IMPG2: variants seen among roughly 807,000 people sequenced by gnomAD.
IMPG2 encodes interphotoreceptor matrix proteoglycan 2.
In IMPG2, 91 loss-of-function variants were observed where a neutral mutation model predicts 129.2. That is an observed-to-expected ratio of 0.70 (90% CI 0.59 to 0.84). The LOEUF (loss-of-function observed/expected upper bound fraction) is 0.84. IMPG2 is among the 40% of genes least tolerant of loss of function. IMPG2 has a pLI of 0.00. For missense variants in IMPG2, 1,430 were observed against 1,461.7 expected (o/e 0.98, Z 0.35); for synonymous variants, 510 against 517.7 (o/e 0.99, Z 0.20).
intron 2 of IMPG2, among the ~76,000 whole-genome samples, chr3:101,316,823 T>A (rs2058788092): frequency 6.6e-6 from 1 of 152,082 alleles, no homozygotes; most frequent in African/African-American, 2.4e-5. Flanking sequence ...CAGTAATAAC[T>A]AAAAACAACC....
intron 14 of IMPG2, 148 bp from the exon 15 acceptor site, chr3:101,233,139 C>T (rs1706308751): frequency 1.4e-6 from 1 of 736,944 alleles, no homozygotes; most frequent in Non-Finnish European, 2.3e-6. Flanking sequence ...CAATACCACA[C>T]ACAAAAACTC....
At chr3:101,257,504 A>T (rs760039163) in intron 10 of IMPG2, 25 bp downstream of exon 10, 2 of 1,612,458 alleles carry the variant, frequency 1.2e-6, no homozygotes, top group Non-Finnish European at 1.7e-6. Context: ...CTATACAAGG[A>T]CTTCATGATG....
chr3:101,275,448 G>A (rs1255680964), intron 6 of IMPG2, among the ~76,000 whole-genome samples: 1 of 152,076 alleles, frequency 6.6e-6, no homozygotes, highest in Non-Finnish European at 1.5e-5. Flanking sequence ...TTTATAATTC[G>A]AAGCTCTCAC....
chr3:101,301,431 A>G (rs1707138528), intron 3 of IMPG2, among the ~76,000 whole-genome samples: 2 of 152,320 alleles, frequency 1.3e-5, no homozygotes, highest in South Asian at 4.2e-4. Context: ...GCAGCACAAT[A>G]AAATAAAGTA....
intron 1 of IMPG2, 31 bp downstream of exon 1, chr3:101,320,257 A>G: frequency 4.0e-6 from 5 of 1,249,994 alleles, no homozygotes; most frequent in Non-Finnish European, 5.9e-6. Context: ...CAGATATGGA[A>G]AGATAAAAAC....
Position 101,257,628 on chromosome 3 carries a change from T to C in IMPG2, c.1054A>G (p.Ser352Gly). The stretch of plus-strand genomic sequence containing the variant: ...TCAGCAATATAATCTCTGAAGTTAC[T>C]GATTGTATAAACAACAGTGGGTTTA... ...DDKPTVVYTI[S>G]NFRDYIAETL... The change falls in exon 10 of 19, where the codon AGT (serine) becomes GGT (glycine). Residue 352 changes from serine (S) to glycine (G), a missense_variant. Transcript: ENST00000193391. 1 of 1,613,524 alleles carries C rather than the reference T, an allele frequency of 6.2e-7. No homozygotes were observed. The highest frequency in any genetic ancestry group is 1.1e-5 in the South Asian group (1 of 91,080).
intron 5 of IMPG2, 66 bp downstream of exon 5, chr3:101,276,598 T>C: frequency 9.2e-7 from 1 of 1,085,550 alleles, no homozygotes; most frequent in Non-Finnish European, 1.4e-6. Flanking sequence ...AATGTACTTG[T>C]TTGTGAGCCT....
chr3:101,237,062 T>C (rs1378101025), intron 14 of IMPG2, among the ~76,000 whole-genome samples: 1 of 151,990 alleles, frequency 6.6e-6, no homozygotes, highest in South Asian at 2.1e-4. Context: ...GAGGCTTGAG[T>C]AGGTAGTTTT....
rs760753332 is a variant in IMPG2 at position 101,233,009 on chromosome 3, G to T, written c.3023-18C>A. 6.2e-7 allele frequency: 1 copy of T among 1,611,888 alleles called. No individual in the cohort carries two copies. Among genetic ancestry groups the T allele is most frequent in the Non-Finnish European group, 8.5e-7 (1 of 1,178,176 alleles). On this transcript the variant is annotated intron_variant, in intron 14 of 18. Transcript: ENST00000193391. The stretch of plus-strand genomic sequence containing the variant: ...TTCATCACCTAAAACATTAAACAAA[G>T]AATAATGCAAGAAAAGGCAAAACAC...
chr3:101,275,638 A>G (rs764820112), intron 6 of IMPG2, 25 bp downstream of exon 6: 13 of 1,510,246 alleles, frequency 8.6e-6, no homozygotes, highest in Non-Finnish European at 1.2e-5. Flanking sequence ...TTAGAAACTA[A>G]CTAACAAAAC....
In IMPG2 at chr3:101,231,081, C is replaced by T. The variant is rs201105142; in HGVS notation, c.3298G>A (p.Val1100Met). ...KHCEEFVSEP[V>M]IIGITIASVV... ...GAGGCAATAGTGATGCCTATGATCA[C>T]GGGCTCAGACACAAATTCCTCACAG... Residue 1100 changes from valine to methionine, a missense_variant, in exon 16 of 19, where the codon GTG (valine) becomes ATG (methionine). Physicochemically the swap from Val to Met is conservative, Grantham distance 21 (BLOSUM62 1). Coordinates refer to ENST00000193391, the MANE Select transcript of IMPG2 (RefSeq NM_016247.4). The T allele has an allele frequency of 3.7e-5, 59 of 1,614,128 alleles. No homozygotes were observed. The highest frequency in any genetic ancestry group is 6.7e-5 in the African/African-American group (5 of 75,008).
At chr3:101,303,758 A>C (rs1429937856) in intron 3 of IMPG2, among the ~76,000 whole-genome samples, 1 of 152,186 alleles carries the variant, frequency 6.6e-6, no homozygotes, top group Non-Finnish European at 1.5e-5. Context: ...AATTAGAGTT[A>C]TTGCTATTCA....
intron 9 of IMPG2, among the ~76,000 whole-genome samples, chr3:101,267,279 G>C (rs1033070798): frequency 1.9e-4 from 29 of 152,292 alleles, no homozygotes; most frequent in Admixed American, 7.2e-4. Context: ...ACTTTTACCT[G>C]ATAGTGGCAG....
intron 10 of IMPG2, among the ~76,000 whole-genome samples, chr3:101,256,126 G>GAGAA (rs200258460): frequency 2.5e-4 from 17 of 68,094 alleles, no homozygotes; most frequent in Admixed American, 9.2e-4. Context: ...AAAAGAAAGA[G>GAGAA]AGAAAGAAAG....
intron 9 of IMPG2, among the ~76,000 whole-genome samples, chr3:101,262,236 G>T (rs529672594): frequency 6.6e-6 from 1 of 152,028 alleles, no homozygotes; most frequent in East Asian, 1.9e-4. Flanking sequence ...TATAAATTGG[G>T]TATACCAGAT....
intron 2 of IMPG2, among the ~76,000 whole-genome samples, chr3:101,308,704 G>A (rs1707231205): frequency 6.6e-6 from 1 of 152,182 alleles, no homozygotes; most frequent in Non-Finnish European, 1.5e-5. Flanking sequence ...ATTAACATTT[G>A]GCTTATTACT....
Position 101,304,180 on chromosome 3 carries a change from C to G in IMPG2, c.467G>C (p.Ser156Thr). 1 of 1,613,858 alleles carries G rather than the reference C, an allele frequency of 6.2e-7. No individual in the cohort carries two copies. The highest frequency in any genetic ancestry group is 8.5e-7 in the Non-Finnish European group (1 of 1,179,758). Residue 156 changes from serine (S) to threonine (T), a missense_variant, in exon 3 of 19, where the codon AGT (serine) becomes ACT (threonine). Coordinates refer to ENST00000193391, the MANE Select transcript of IMPG2 (RefSeq NM_016247.4). ...TSIFEMGTNFSESVEHRSLIM... is the reference protein window; with the variant it reads ...TSIFEMGTNFTESVEHRSLIM... ...TAAGCTTCTATGTTCCACAGATTCA[C>G]TAAAATTTGTGCCCATTTCAAATAT...
rs1706203368 is a variant in IMPG2 at position 101,224,736 on chromosome 3, A to C, written c.*2233T>G. ...GGACAAAAGTTGTATTCCTCAACTGAGGCCTCCTGTTCTTTCCCTGATAGT... is the reference window on the plus strand; with the variant it reads ...GGACAAAAGTTGTATTCCTCAACTGCGGCCTCCTGTTCTTTCCCTGATAGT... On this transcript the variant is annotated 3_prime_UTR_variant, in exon 19 of 19. Coordinates refer to ENST00000193391, the MANE Select transcript of IMPG2 (RefSeq NM_016247.4). The C allele has an allele frequency of 6.6e-6, 1 of 152,226 alleles. No individual in the cohort carries two copies. Among genetic ancestry groups the C allele is most frequent in the Non-Finnish European group, 1.5e-5 (1 of 68,030 alleles). 9.4% of individuals were successfully genotyped at this position (152,226 alleles called of 1,614,324 possible).
At position 101,244,206 on chromosome 3, in the gene IMPG2, CT is replaced by C; in HGVS notation, c.2124del (p.Val709TyrfsTer16). 1.2e-6 allele frequency: 2 copies of C among 1,614,010 alleles called. No homozygotes were observed. The highest frequency in any genetic ancestry group is 2.2e-5 in the East Asian group (1 of 44,836). On this transcript the variant is annotated frameshift_variant, in exon 13 of 19. Transcript: ENST00000193391. LOFTEE classifies it high-confidence loss of function. Reference protein sequence around the residue: ...ASLTLPKHISEVPGVDDYSVT... With the variant: ...ASLTLPKHISXVPGVDDYSVT... ...ACTGAGTAATCATCAACACCAGGTA[CT>C]TCTGATATGTGCTTGGGGAGGGTTA...
Sources: allele counts gnomAD v4.1 joint callset (sites outside exome capture counted in the v4.1 genomes callset), GRCh38; gene constraint gnomAD v4.1.1; transcripts MANE v1.5; gene names NCBI Gene and HGNC (gene_info 2026-07-23, HGNC 2026-07-21).